Variants in JAKMIP2 observed in about 807,000 individuals in gnomAD.
JAKMIP2 encodes the protein janus kinase and microtubule-interacting protein 2.
In JAKMIP2, 25 loss-of-function variants were observed where a neutral mutation model predicts 115.0. The ratio of observed to expected loss-of-function variants is 0.22; its 90% CI spans 0.16 to 0.30. The LOEUF (loss-of-function observed/expected upper bound fraction) is 0.30, where lower values mean the gene tolerates loss of function less well. JAKMIP2 is among the 10% of genes least tolerant of loss of function. The pLI is 1.00. For synonymous variants in JAKMIP2, 334 were observed against 343.6 expected, an observed-to-expected ratio of 0.97 and a Z score of 0.31; for missense variants, 642 against 957.6, an observed-to-expected ratio of 0.67 and a Z score of 4.35.
chr5:147,651,299 G>A (rs1479636657), intron 3 of JAKMIP2, among the ~76,000 whole-genome samples: 3 of 152,098 alleles, frequency 2.0e-5, no homozygotes, highest in Non-Finnish European at 1.5e-5. Context: ...GCTAAGCCTG[G>A]GCATGGCCTC....
chr5:147,743,666 G>A (rs1273501709), intron 1 of JAKMIP2, among the ~76,000 whole-genome samples: 1 of 152,178 alleles, frequency 6.6e-6, no homozygotes, highest in Non-Finnish European at 1.5e-5. Context: ...ATATCCTAAT[G>A]AGTATAAGGA....
Position 147,636,304 on chromosome 5 carries a change from G to A in JAKMIP2, c.1615-20C>T, listed in dbSNP as rs370078013. The A allele has an allele frequency of 7.0e-5, 113 of 1,606,494 alleles. No individual in the cohort carries two copies. The highest frequency in any genetic ancestry group is 8.7e-5 in the Non-Finnish European group (102 of 1,173,626). On this transcript the variant is annotated intron_variant, in intron 11 of 21. Coordinates refer to ENST00000616793, the MANE Select transcript of JAKMIP2 (RefSeq NM_001270941.2). ...TGAATCCTGTTTGACAAAGAATATC[G>A]CGCAGTCAGCATTTCAGAGTGGCAC...
At chr5:147,692,838 A>C (rs1416933865) in intron 1 of JAKMIP2, among the ~76,000 whole-genome samples, 1 of 152,124 alleles carries the variant, frequency 6.6e-6, no homozygotes, top group Non-Finnish European at 1.5e-5. Flanking sequence ...GGGTAATAAT[A>C]AGATTGACAA....
intron 1 of JAKMIP2, among the ~76,000 whole-genome samples, chr5:147,682,162 A>C (rs915928663): frequency 6.6e-6 from 1 of 152,206 alleles, no homozygotes; most frequent in Non-Finnish European, 1.5e-5. Context: ...GGCAGAAGGA[A>C]TGCTAAGCAT....
chr5:147,691,514 T>G (rs1232508025), intron 1 of JAKMIP2, among the ~76,000 whole-genome samples: 1 of 152,200 alleles, frequency 6.6e-6, no homozygotes, highest in Non-Finnish European at 1.5e-5. Flanking sequence ...TATACTCACC[T>G]CACCTTTTAT....
intron 20 of JAKMIP2, among the ~76,000 whole-genome samples, chr5:147,603,614 C>G (rs1008111236): frequency 6.6e-6 from 1 of 152,146 alleles, no homozygotes; most frequent in African/African-American, 2.4e-5. Flanking sequence ...AACCTCATCT[C>G]TAGTCAAATA....
chr5:147,695,223 CT>C (rs1471041136), intron 1 of JAKMIP2, among the ~76,000 whole-genome samples: 4 of 152,106 alleles, frequency 2.6e-5, no homozygotes, highest in Admixed American at 6.6e-5. Context: ...AATTAAAGTG[CT>C]GTTGAATACA....
At chr5:147,763,682 T>C (rs1755012852) in intron 1 of JAKMIP2, among the ~76,000 whole-genome samples, 1 of 152,066 alleles carries the variant, frequency 6.6e-6, no homozygotes, top group Non-Finnish European at 1.5e-5. Flanking sequence ...ACCCAGGTAA[T>C]GGAGAGGGCT....
At chr5:147,593,435 A>G (rs552775422) in intron 21 of JAKMIP2, among the ~76,000 whole-genome samples, 5 of 152,316 alleles carry the variant, frequency 3.3e-5, no homozygotes, top group African/African-American at 1.2e-4. Context: ...AAAGGAGCTG[A>G]GAGGGAGAAT....
Position 147,586,603 on chromosome 5 carries a change from A to G in JAKMIP2, c.*5104T>C, listed in dbSNP as rs906883359. 1 of 152,190 alleles carries G rather than the reference A, an allele frequency of 6.6e-6. No homozygotes were observed. The highest frequency in any genetic ancestry group is 1.5e-5 in the Non-Finnish European group (1 of 68,038). The allele number at this position is 152,190 out of a possible 1,614,324, so 9.4% of individuals were successfully genotyped here. ...AGCATGGGTACAAAGACCGTAATGC[A>G]GAAAAAAACAAAAACAGGAACCCTC... is the stretch of plus-strand genomic sequence containing the variant. On this transcript the variant is annotated 3_prime_UTR_variant, in exon 22 of 22. Coordinates refer to ENST00000616793, the MANE Select transcript of JAKMIP2 (RefSeq NM_001270941.2).
chr5:147,596,044 A>G (rs189170539), intron 21 of JAKMIP2, among the ~76,000 whole-genome samples: 1 of 152,308 alleles, frequency 6.6e-6, no homozygotes, highest in East Asian at 1.9e-4. Flanking sequence ...GAAGGGAAGC[A>G]TTCTGTGCAC....
chr5:147,586,540 C>T lies in JAKMIP2; in HGVS notation c.*5167G>A, dbSNP rs571894698. 6.6e-6 allele frequency: 1 copy of T among 152,132 alleles called. No homozygotes were observed. Among genetic ancestry groups the T allele is most frequent in the East Asian group, 1.9e-4 (1 of 5,176 alleles). The allele number at this position is 152,132 out of a possible 1,614,324, so 9.4% of individuals were successfully genotyped here. On this transcript the variant is annotated 3_prime_UTR_variant, in exon 22 of 22. Transcript: ENST00000616793. ...AAGTTGTTTAACTTTACCATTCTCA[C>T]CCTACAGAACTTTGCATATAACAAG...
chr5:147,628,358 T>C (rs1757202634), intron 16 of JAKMIP2, among the ~76,000 whole-genome samples: 1 of 152,120 alleles, frequency 6.6e-6, no homozygotes, highest in South Asian at 2.1e-4. Context: ...ACAGGATCAG[T>C]TGGGAGCAAT....
chr5:147,593,272 C>G (rs1581254589), intron 21 of JAKMIP2, among the ~76,000 whole-genome samples: 1 of 152,196 alleles, frequency 6.6e-6, no homozygotes, highest in African/African-American at 2.4e-5. Context: ...GGGCCTTGGC[C>G]AGACTGGGAA....
At chr5:147,620,157 C>T (rs780283802) in intron 18 of JAKMIP2, among the ~76,000 whole-genome samples, 6 of 152,160 alleles carry the variant, frequency 3.9e-5, no homozygotes, top group Non-Finnish European at 7.4e-5. Context: ...TACAGTGGCA[C>T]GATCACAACT....
intron 1 of JAKMIP2, among the ~76,000 whole-genome samples, chr5:147,683,433 A>C (rs1170820434): frequency 6.6e-6 from 1 of 152,194 alleles, no homozygotes; most frequent in Non-Finnish European, 1.5e-5. Context: ...CGGATGCTGC[A>C]GTGAGCCAAG....
chr5:147,767,671 C>T (rs920921465), intron 1 of JAKMIP2, among the ~76,000 whole-genome samples: 1 of 152,058 alleles, frequency 6.6e-6, no homozygotes, highest in East Asian at 1.9e-4. Flanking sequence ...ATGAAAGAGT[C>T]CCTTGACTGT....
At chr5:147,779,866 G>A (rs1755693741) in intron 1 of JAKMIP2, among the ~76,000 whole-genome samples, 1 of 152,136 alleles carries the variant, frequency 6.6e-6, no homozygotes, top group African/African-American at 2.4e-5. Flanking sequence ...AGGTTTTGAT[G>A]AGAGAAGAAT....
intron 13 of JAKMIP2, among the ~76,000 whole-genome samples, 189 bp from the exon 14 acceptor site, chr5:147,631,700 A>G (rs1757358327): frequency 6.6e-6 from 1 of 152,224 alleles, no homozygotes; most frequent in Non-Finnish European, 1.5e-5. Context: ...AGAGATTGAG[A>G]AGAAGAATTT....
Sources: gnomAD v4.1 joint callset for allele counts (sites outside exome capture counted in the v4.1 genomes callset) on GRCh38, gnomAD v4.1.1 for gene constraint, MANE v1.5 for transcripts, NCBI Gene and HGNC (gene_info 2026-07-23, HGNC 2026-07-21) for gene names.